The following CNTN5 variants were observed in gnomAD, a reference collection of about 807,000 sequenced individuals.
CNTN5 encodes contactin 5, also known as contactin-5.
CNTN5 carries 77 observed loss-of-function variants against 129.1 expected under a neutral mutation model. The ratio of observed to expected loss-of-function variants is 0.60; its 90% CI spans 0.50 to 0.72. The LOEUF is 0.72. Ranked by LOEUF, CNTN5 falls within the 30% of genes least tolerant of loss-of-function variation. The pLI, the probability that CNTN5 is intolerant of heterozygous loss-of-function variation, is 0.00. For synonymous variants in CNTN5, 509 were observed against 465.6 expected, an observed-to-expected ratio of 1.09 and a Z score of -1.20; for missense variants, 1,478 against 1,328.8, an observed-to-expected ratio of 1.11 and a Z score of -1.75.
At chr11:99,844,690 TA>T in intron 4 of CNTN5, 161 bp from the exon 5 acceptor site, 1 of 636,564 alleles carries the variant, frequency 1.6e-6, no homozygotes, top group Non-Finnish European at 2.7e-6. Flanking sequence ...TACAATTTAA[TA>T]AAACAATGCA....
intron 3 of CNTN5, among the ~76,000 whole-genome samples, chr11:99,793,554 T>C (rs1945830138): frequency 1.3e-5 from 2 of 152,154 alleles, no homozygotes; most frequent in Admixed American, 1.3e-4. Context: ...CAGGGATGTG[T>C]TTCATTTTTA....
intron 3 of CNTN5, among the ~76,000 whole-genome samples, chr11:99,714,973 G>A (rs534703221): frequency 3.3e-5 from 5 of 151,868 alleles, no homozygotes; most frequent in South Asian, 4.1e-4. Flanking sequence ...TTGAATATGC[G>A]CTCTAGTATT....
chr11:99,242,992 T>C (rs529572797), intron 1 of CNTN5, among the ~76,000 whole-genome samples: 6 of 152,178 alleles, frequency 3.9e-5, no homozygotes, highest in Non-Finnish European at 7.4e-5. Context: ...CTTTTGGATA[T>C]ACACCCAGTA....
At chr11:99,883,781 CA>C (rs1452114406) in intron 6 of CNTN5, among the ~76,000 whole-genome samples, 1 of 152,120 alleles carries the variant, frequency 6.6e-6, no homozygotes, top group Non-Finnish European at 1.5e-5. Context: ...AGGAGAGCCC[CA>C]AAACTAAATC....
At chr11:99,374,057 C>T (rs945709682) in intron 2 of CNTN5, among the ~76,000 whole-genome samples, 1 of 152,116 alleles carries the variant, frequency 6.6e-6, no homozygotes, top group Non-Finnish European at 1.5e-5. Flanking sequence ...GTTATCGAAA[C>T]ATTTCACTGT....
At chr11:99,238,775 C>T (rs1335536375) in intron 1 of CNTN5, among the ~76,000 whole-genome samples, 3 of 152,082 alleles carry the variant, frequency 2.0e-5, no homozygotes, top group African/African-American at 7.2e-5. Flanking sequence ...ATCTGCATCT[C>T]AGATGAACTT....
chr11:99,934,126 TG>T (rs1293273192), intron 7 of CNTN5, among the ~76,000 whole-genome samples: 1 of 152,252 alleles, frequency 6.6e-6, no homozygotes, highest in African/African-American at 2.4e-5. Context: ...TGTGTGAATT[TG>T]GGGACTTTAT....
At chr11:100,137,787 G>A (rs888371149) in intron 13 of CNTN5, among the ~76,000 whole-genome samples, 1 of 152,096 alleles carries the variant, frequency 6.6e-6, no homozygotes, top group African/African-American at 2.4e-5. Flanking sequence ...ATTATAAAAA[G>A]TACTTTAACA....
intron 13 of CNTN5, among the ~76,000 whole-genome samples, chr11:100,087,483 G>A (rs1032943041): frequency 6.6e-6 from 1 of 151,684 alleles, no homozygotes; most frequent in Non-Finnish European, 1.5e-5. Flanking sequence ...AACAAAATTT[G>A]CCAAAGACAA....
chr11:99,262,054 G>A (rs1034369981), intron 1 of CNTN5, among the ~76,000 whole-genome samples: 17 of 152,016 alleles, frequency 1.1e-4, no homozygotes, highest in Admixed American at 2.0e-4. Context: ...CCATACTGGT[G>A]ATCATGTAGT....
intron 3 of CNTN5, among the ~76,000 whole-genome samples, chr11:99,639,008 C>T (rs752621701): frequency 5.9e-5 from 9 of 152,194 alleles, no homozygotes; most frequent in South Asian, 2.1e-4. Flanking sequence ...AAGAGATTCT[C>T]GTGAGGTCCC....
At chr11:100,112,069 G>A (rs994148799) in intron 13 of CNTN5, among the ~76,000 whole-genome samples, 3 of 152,112 alleles carry the variant, frequency 2.0e-5, no homozygotes, top group African/African-American at 2.4e-5. Context: ...TTACACCTCC[G>A]TGTTGACTTG....
chr11:100,337,151 C>T (rs1396459631), intron 21 of CNTN5: 13 of 1,421,976 alleles, frequency 9.1e-6, no homozygotes, highest in Admixed American at 1.7e-5. Context: ...ATGACAGCTG[C>T]ACCCATGAAT....
chr11:100,054,816 C>A (rs1431378527), intron 9 of CNTN5, among the ~76,000 whole-genome samples: 1 of 151,634 alleles, frequency 6.6e-6, no homozygotes, highest in African/African-American at 2.4e-5. Flanking sequence ...TAACATCTGA[C>A]AGAATGTTAT....
chr11:99,297,212 A>G (rs982198157), intron 1 of CNTN5, among the ~76,000 whole-genome samples: 1 of 152,232 alleles, frequency 6.6e-6, no homozygotes, highest in Non-Finnish European at 1.5e-5. Context: ...TCCCAAGGAC[A>G]TAAAACAAGA....
intron 1 of CNTN5, among the ~76,000 whole-genome samples, chr11:99,246,234 C>T (rs59893423): frequency 0.054 from 8,270 of 152,120 alleles, 790 homozygotes; most frequent in African/African-American, 0.19. Flanking sequence ...AATCAGGTAA[C>T]GCTGTAAGAA....
chr11:100,165,058 C>T (rs1032877454), intron 13 of CNTN5, among the ~76,000 whole-genome samples: 2 of 151,584 alleles, frequency 1.3e-5, no homozygotes, highest in Non-Finnish European at 2.9e-5. Context: ...AGCCGGAGTG[C>T]ATCAAAGTGA....
chr11:99,583,592 G>T (rs1949689995), intron 3 of CNTN5, among the ~76,000 whole-genome samples: 1 of 152,238 alleles, frequency 6.6e-6, no homozygotes, highest in African/African-American at 2.4e-5. Flanking sequence ...CTAGCAATGA[G>T]CGAGGCTCCG....
At chr11:100,129,961 A>T (rs1946321597) in intron 13 of CNTN5, among the ~76,000 whole-genome samples, 1 of 152,116 alleles carries the variant, frequency 6.6e-6, no homozygotes, top group African/African-American at 2.4e-5. Flanking sequence ...TTTTAACCTG[A>T]TTAGTACAAC....
Sources: gnomAD v4.1 joint callset for allele counts (sites outside exome capture counted in the v4.1 genomes callset) on GRCh38, gnomAD v4.1.1 for gene constraint, MANE v1.5 for transcripts, NCBI Gene and HGNC (gene_info 2026-07-23, HGNC 2026-07-21) for gene names.